BACH2: variants seen among roughly 807,000 people sequenced by gnomAD.
BACH2 encodes the protein BACH transcriptional regulator 2, also known as transcription regulator protein BACH2.
Under a neutral mutation model 61.8 loss-of-function variants are expected in BACH2, and 5 were observed. That is an observed-to-expected ratio of 0.08 (90% CI 0.04 to 0.17). BACH2 has a LOEUF of 0.17. Among genes scored for constraint, BACH2 ranks in the 10% least tolerant of loss-of-function variants. BACH2 has a pLI of 1.00. For synonymous variants in BACH2, 446 were observed against 440.1 expected (o/e 1.01, Z -0.17); for missense variants, 824 against 1,091.1 (o/e 0.76, Z 3.45).
At chr6:90,217,979 C>T (rs937962049) in intron 3 of BACH2, 1 of 150,824 alleles carries the variant, frequency 6.6e-6, no homozygotes, top group Non-Finnish European at 1.5e-5. Context: ...TTTTACCTAC[C>T]GCAATTATGG....
intron 1 of BACH2, among the ~76,000 whole-genome samples, chr6:90,290,761 A>C (rs1772154139): frequency 6.6e-6 from 1 of 152,220 alleles, no homozygotes; most frequent in African/African-American, 2.4e-5. Context: ...AAATTCCTGA[A>C]GTATCTGCAG....
chr6:90,155,533 T>C (rs754707936), intron 4 of BACH2, among the ~76,000 whole-genome samples: 13 of 152,190 alleles, frequency 8.5e-5, no homozygotes, highest in Non-Finnish European at 1.8e-4. Flanking sequence ...TTTCATGCAA[T>C]ATTTAATTTA....
intron 3 of BACH2, among the ~76,000 whole-genome samples, chr6:90,225,515 G>C (rs970705658): frequency 2.6e-5 from 4 of 152,126 alleles, no homozygotes; most frequent in Non-Finnish European, 5.9e-5. Context: ...AAAAAATTGG[G>C]AGTCAGGCAA....
At chr6:90,172,171 T>C (rs1340110452) in intron 4 of BACH2, among the ~76,000 whole-genome samples, 1 of 151,926 alleles carries the variant, frequency 6.6e-6, no homozygotes, top group East Asian at 1.9e-4. Context: ...CTGGGCGTGG[T>C]GGCATGCGCC....
intron 4 of BACH2, among the ~76,000 whole-genome samples, chr6:90,164,865 G>C (rs536244978): frequency 1.2e-4 from 18 of 152,052 alleles, no homozygotes; most frequent in South Asian, 6.2e-4. Flanking sequence ...ATTCAACAAC[G>C]CTTCATGCTA....
chr6:90,011,932 ATG>A (rs71027919), intron 5 of BACH2, among the ~76,000 whole-genome samples: 2,797 of 114,254 alleles, frequency 0.024, 45 homozygotes, highest in African/African-American at 0.053. Context: ...AAAAAAAAAT[ATG>A]TGTGTGTGTG....
intron 5 of BACH2, among the ~76,000 whole-genome samples, chr6:90,058,851 C>CTT (rs1365855808): frequency 2.6e-5 from 4 of 152,132 alleles, no homozygotes; most frequent in Non-Finnish European, 5.9e-5. Flanking sequence ...TTTGACAAAC[C>CTT]TGACAAAAAC....
intron 4 of BACH2, among the ~76,000 whole-genome samples, chr6:90,205,998 C>T (rs975264174): frequency 6.6e-6 from 1 of 152,194 alleles, no homozygotes; most frequent in Non-Finnish European, 1.5e-5. Flanking sequence ...ATGCACCTTA[C>T]ACTCTCTTGG....
chr6:90,061,650 G>A (rs186199799), intron 5 of BACH2, among the ~76,000 whole-genome samples: 5 of 152,110 alleles, frequency 3.3e-5, no homozygotes, highest in African/African-American at 1.2e-4. Flanking sequence ...TGAGCCTCAG[G>A]GCACACCAAT....
chr6:90,184,801 C>T (rs896852946), intron 4 of BACH2, among the ~76,000 whole-genome samples: 1 of 152,200 alleles, frequency 6.6e-6, no homozygotes, highest in African/African-American at 2.4e-5. Context: ...CAAACTCAAG[C>T]AGTTGCCTAT....
chr6:90,148,605 T>G (rs1784701709), intron 4 of BACH2, among the ~76,000 whole-genome samples: 1 of 152,012 alleles, frequency 6.6e-6, no homozygotes, highest in African/African-American at 2.4e-5. Context: ...AATATTCAAG[T>G]GACATGGTAA....
chr6:90,287,367 T>G (rs993415252), intron 1 of BACH2, among the ~76,000 whole-genome samples: 1 of 152,148 alleles, frequency 6.6e-6, no homozygotes, highest in African/African-American at 2.4e-5. Context: ...GTAAGTGAAG[T>G]TGGATCCGCT....
Position 90,008,072 on chromosome 6 carries a change from T to C in BACH2, c.243+530A>G, listed in dbSNP as rs1041018800. ...GTGCCAAAATAACCGTATTCACTGATGTGATTAAGAAACCTGAGTGGGCTG... is the reference window on the plus strand; with the variant it reads ...GTGCCAAAATAACCGTATTCACTGACGTGATTAAGAAACCTGAGTGGGCTG... On this transcript the variant is annotated intron_variant, in intron 6 of 8. Transcript: ENST00000257749. The surrounding 1 kb of genome is among the most constrained non-coding windows in gnomAD (Gnocchi z 4.1). 15 of 166,346 alleles carry C rather than the reference T, an allele frequency of 9.0e-5. No homozygotes were observed. Among genetic ancestry groups the C allele is most frequent in the Admixed American group, 8.5e-4 (15 of 17,712 alleles). The allele number at this position is 166,346 out of a possible 1,614,324, so 10.3% of individuals were successfully genotyped here. A position where few individuals can be genotyped will look rare whatever the true frequency, so the allele number is the denominator to read the frequency against.
chr6:90,033,287 A>G (rs1299476856), intron 5 of BACH2, among the ~76,000 whole-genome samples: 5 of 151,688 alleles, frequency 3.3e-5, no homozygotes, highest in African/African-American at 4.8e-5. Flanking sequence ...CAGCACACCA[A>G]CATGGCACAT....
At chr6:90,124,931 T>C (rs1783784808) in intron 4 of BACH2, among the ~76,000 whole-genome samples, 1 of 152,212 alleles carries the variant, frequency 6.6e-6, no homozygotes. Context: ...TTTCTAATAA[T>C]TTTAACCTTT....
At chr6:90,052,962 C>T (rs28510856) in intron 5 of BACH2, among the ~76,000 whole-genome samples, 218 of 151,916 alleles carry the variant, frequency 1.4e-3, no homozygotes, top group Non-Finnish European at 2.3e-3. Context: ...TCTATTTGTC[C>T]TACTTTCCTA....
At chr6:90,202,739 T>C (rs566127723) in intron 4 of BACH2, among the ~76,000 whole-genome samples, 1 of 152,300 alleles carries the variant, frequency 6.6e-6, no homozygotes, top group South Asian at 2.1e-4. Context: ...TAAAAAACAA[T>C]GACCATGAGG....
Position 89,939,326 on chromosome 6 carries a change from C to T in BACH2, c.1837-976G>A, listed in dbSNP as rs534832024. On this transcript the variant is annotated intron_variant, in intron 7 of 8. Transcript: ENST00000257749. ...TCAAACCTTCAGTTGAGTGTAGCCCCAGCCAACATCTGACTTCACCTTATG... is the reference window on the plus strand; with the variant it reads ...TCAAACCTTCAGTTGAGTGTAGCCCTAGCCAACATCTGACTTCACCTTATG... Among the ~76,000 whole-genome samples the T allele has an allele frequency of 5.9e-5, 9 of 152,296 alleles. No homozygotes were observed. In the East Asian group the frequency reaches 1.5e-3, roughly 26 times the overall value.
chr6:89,955,585 C>T (rs1226354767), intron 6 of BACH2, among the ~76,000 whole-genome samples: 2 of 152,106 alleles, frequency 1.3e-5, no homozygotes, highest in Non-Finnish European at 2.9e-5. Flanking sequence ...GGTCTACTTT[C>T]GGCAGTGGTA....
Sources: gnomAD v4.1 joint callset for allele counts (sites outside exome capture counted in the v4.1 genomes callset) on GRCh38, gnomAD v4.1.1 for gene constraint, Gnocchi (gnomAD v3.1) non-coding constraint, MANE v1.5 for transcripts, NCBI Gene and HGNC (gene_info 2026-07-23, HGNC 2026-07-21) for gene names.